ALDH1A2: variants seen among roughly 807,000 people sequenced by gnomAD.
ALDH1A2 encodes the protein aldehyde dehydrogenase 1 family member A2, also known as retinal dehydrogenase 2.
Under a neutral mutation model 60.3 loss-of-function variants are expected in ALDH1A2, and 27 were observed. That is an observed-to-expected ratio of 0.45 (90% CI 0.33 to 0.62). The LOEUF (loss-of-function observed/expected upper bound fraction) is 0.62. Ranked by LOEUF, ALDH1A2 falls within the 20% of genes least tolerant of loss-of-function variation. The pLI, the probability that ALDH1A2 is intolerant of heterozygous loss-of-function variation, is 0.02. For synonymous variants in ALDH1A2, 289 were observed against 232.4 expected (o/e 1.24, Z -2.21); for missense variants, 581 against 643.8 (o/e 0.90, Z 1.06).
At chr15:58,026,113 G>A (rs1276879545) in intron 1 of ALDH1A2, among the ~76,000 whole-genome samples, 1 of 152,046 alleles carries the variant, frequency 6.6e-6, no homozygotes, top group African/African-American at 2.4e-5. Flanking sequence ...ATCAGACAAG[G>A]ATACAACAAC....
At chr15:58,063,873 G>A (rs1436755460) in intron 1 of ALDH1A2, among the ~76,000 whole-genome samples, 1 of 152,144 alleles carries the variant, frequency 6.6e-6, no homozygotes, top group African/African-American at 2.4e-5. Context: ...CACATTAAAG[G>A]CTCCAATTAG....
intron 7 of ALDH1A2, among the ~76,000 whole-genome samples, chr15:57,977,240 A>G (rs1894291581): frequency 6.6e-6 from 1 of 152,074 alleles, no homozygotes; most frequent in African/African-American, 2.4e-5. Context: ...TGCTGTGCAC[A>G]AGCGGTTTAG....
At chr15:57,972,879 C>G (rs4646612) in intron 7 of ALDH1A2, among the ~76,000 whole-genome samples, 17 of 151,636 alleles carry the variant, frequency 1.1e-4, no homozygotes, top group African/African-American at 3.4e-4. Context: ...AGCAAGCCAC[C>G]TCCCCTAACC....
intron 1 of ALDH1A2, among the ~76,000 whole-genome samples, chr15:58,018,687 GAT>G (rs1356128724): frequency 1.3e-5 from 2 of 152,148 alleles, no homozygotes; most frequent in Non-Finnish European, 2.9e-5. Context: ...ATGTGCAGCT[GAT>G]ATGATATGCT....
chr15:57,997,418 G>T (rs1409877640), intron 4 of ALDH1A2, among the ~76,000 whole-genome samples: 6 of 151,962 alleles, frequency 3.9e-5, no homozygotes, highest in African/African-American at 1.4e-4. Context: ...GGTTCAGGTG[G>T]ATAGTCACAG....
chr15:57,981,469 T>C (rs746799911), intron 7 of ALDH1A2, among the ~76,000 whole-genome samples: 3 of 152,196 alleles, frequency 2.0e-5, no homozygotes, highest in Middle Eastern at 3.2e-3. Flanking sequence ...AAATGGAAGT[T>C]TCAGATTCAC....
intron 1 of ALDH1A2, among the ~76,000 whole-genome samples, chr15:58,032,344 G>A (rs951236545): frequency 2.6e-5 from 4 of 152,012 alleles, no homozygotes; most frequent in Non-Finnish European, 4.4e-5. Flanking sequence ...ATCACACACC[G>A]GGGCCTGGTG....
At chr15:57,961,351 C>A in intron 10 of ALDH1A2, 57 bp from the exon 11 acceptor site, 1 of 1,588,756 alleles carries the variant, frequency 6.3e-7, no homozygotes, top group Non-Finnish European at 8.6e-7. Context: ...TACCTGCTTT[C>A]CACATTTCAA....
At chr15:58,014,365 G>A in intron 1 of ALDH1A2, 84 bp from the exon 2 acceptor site, 2 of 987,308 alleles carry the variant, frequency 2.0e-6, no homozygotes, top group Non-Finnish European at 3.3e-6. Context: ...AACTACTATG[G>A]TAATAACACT....
intron 1 of ALDH1A2, among the ~76,000 whole-genome samples, chr15:58,056,227 A>C (rs1195949118): frequency 1.3e-5 from 2 of 152,140 alleles, no homozygotes; most frequent in Admixed American, 1.3e-4. Flanking sequence ...TTCTTAGTTT[A>C]GGGAAACTAG....
rs1408449943 is a variant in ALDH1A2, at chr15:57,971,183, G to GTGTCTT, written c.799-5362_799-5357dup. ...CTTGCCCTTTCTGGAACATGCCTGTGTGTCTTTGCATAAGCTGCTCCATCT... is the reference window on the plus strand; with the variant it reads ...CTTGCCCTTTCTGGAACATGCCTGTGTGTCTTTGTCTTTGCATAAGCTGCTCCATCT... On this transcript the variant is annotated intron_variant, in intron 7 of 12. Coordinates refer to ENST00000249750, the MANE Select transcript of ALDH1A2 (RefSeq NM_003888.4). 1.2e-4 allele frequency among the ~76,000 whole-genome samples: 18 copies of GTGTCTT among 152,302 alleles called. No individual in the cohort carries two copies. In the East Asian group the frequency reaches 2.9e-3, roughly 24 times the overall value.
Position 58,013,979 on chromosome 15 carries a change from A to ACTG in ALDH1A2, c.239_241dup (p.Ala80dup), listed in dbSNP as rs1895714527. On this transcript the variant is annotated inframe_insertion, in exon 3 of 13. Coordinates refer to ENST00000249750, the MANE Select transcript of ALDH1A2 (RefSeq NM_003888.4). ...AGAGAAAGCCAGGCGGGCTGCCTGC[A>ACTG]CTGCTTTGTCTATATCTGCCTGTTA... The ACTG allele has an allele frequency of 6.2e-7, 1 of 1,614,116 alleles. No homozygotes were observed. Among genetic ancestry groups the ACTG allele is most frequent in the African/African-American group, 1.3e-5 (1 of 75,040 alleles).
intron 4 of ALDH1A2, among the ~76,000 whole-genome samples, chr15:57,997,676 G>A (rs934426229): frequency 9.9e-5 from 15 of 151,802 alleles, no homozygotes; most frequent in African/African-American, 2.2e-4. Context: ...ACAAGTTACC[G>A]AAAAAAGTGA....
chr15:57,983,292 G>C (rs1304963120), intron 7 of ALDH1A2, among the ~76,000 whole-genome samples: 2 of 152,158 alleles, frequency 1.3e-5, no homozygotes, highest in African/African-American at 4.8e-5. Flanking sequence ...ACCACTATTT[G>C]TTGATTATCT....
At chr15:58,024,323 G>A (rs1291860563) in intron 1 of ALDH1A2, among the ~76,000 whole-genome samples, 1 of 151,934 alleles carries the variant, frequency 6.6e-6, no homozygotes, top group Admixed American at 6.6e-5. Flanking sequence ...ATACTGCCTA[G>A]AAGAAACTCA....
chr15:57,964,860 A>G (rs1375305316), intron 8 of ALDH1A2: 3 of 152,300 alleles, frequency 2.0e-5, no homozygotes, highest in Non-Finnish European at 4.4e-5. Context: ...GAACAGGCAT[A>G]AGGATTCTGA....
intron 1 of ALDH1A2, among the ~76,000 whole-genome samples, chr15:58,015,740 A>T (rs1293701930): frequency 2.0e-5 from 3 of 152,176 alleles, no homozygotes; most frequent in Admixed American, 6.5e-5. Flanking sequence ...GAGTCCAAAG[A>T]AGCAGGTTCT....
Position 57,955,231 on chromosome 15 carries a change from G to T in ALDH1A2, c.1523C>A (p.Thr508Lys). 1 of 1,613,996 alleles carries T rather than the reference G, an allele frequency of 6.2e-7. No homozygotes were observed. Among genetic ancestry groups the T allele is most frequent in the East Asian group, 2.2e-5 (1 of 44,858 alleles). ...CTTCTGGGGGATCTTTACTGTCACC[G>T]TCTTAACTTCTGAGTACTCCCGCAA... ...FGLREYSEVK[T>K]VTVKIPQKNS Residue 508 changes from threonine to lysine, a missense_variant, in exon 13 of 13, where the codon ACG becomes AAG. By Grantham distance (78) the Thr-to-Lys change is moderately conservative (BLOSUM62 -1). Around this residue, in one of 2 missense-constraint regions of ALDH1A2, gnomAD observed 375 missense variants for 469.7 expected, o/e 0.80. Coordinates refer to ENST00000249750, the MANE Select transcript of ALDH1A2 (RefSeq NM_003888.4).
chr15:58,040,400 C>T (rs1440113442), intron 1 of ALDH1A2, among the ~76,000 whole-genome samples: 1 of 151,872 alleles, frequency 6.6e-6, no homozygotes, highest in Non-Finnish European at 1.5e-5. Context: ...TTCCTCTAAC[C>T]CAAAGTACAT....
Sources: allele counts gnomAD v4.1 joint callset (sites outside exome capture counted in the v4.1 genomes callset), GRCh38; gene constraint gnomAD v4.1.1; regional missense constraint gnomAD v4.1.1; transcripts MANE v1.5; gene names NCBI Gene and HGNC (gene_info 2026-07-23, HGNC 2026-07-21).